Variants in AMPH observed in about 807,000 individuals in gnomAD.
AMPH encodes amphiphysin (Stiff-Mann syndrome with breast cancer 128kD autoantigen).
A neutral mutation model predicts 99.1 loss-of-function variants in AMPH; 49 were observed. The observed-to-expected ratio is 0.49, with a 90% confidence interval of 0.39 to 0.63. The LOEUF is 0.63. Among genes scored for constraint, AMPH ranks in the 20% least tolerant of loss-of-function variants. AMPH has a pLI of 0.00. For synonymous variants in AMPH, 314 were observed against 317.3 expected (o/e 0.99, Z 0.11); for missense variants, 759 against 863.4 (o/e 0.88, Z 1.52).
intron 11 of AMPH, among the ~76,000 whole-genome samples, chr7:38,458,129 T>TC (rs1422010338): frequency 3.1e-4 from 47 of 152,142 alleles, no homozygotes; most frequent in Non-Finnish European, 8.8e-5. Context: ...ATGTTCACTA[T>TC]CTGGGTGATG....
chr7:38,608,964 C>T (rs912103681), intron 1 of AMPH, among the ~76,000 whole-genome samples: 1 of 152,144 alleles, frequency 6.6e-6, no homozygotes, highest in Admixed American at 6.5e-5. Context: ...ACGTGCTTTA[C>T]GTAGTCAATG....
At chr7:38,535,108 G>A in intron 1 of AMPH, 97 bp from the exon 2 acceptor site, 1 of 1,023,678 alleles carries the variant, frequency 9.8e-7, no homozygotes, top group Admixed American at 2.0e-5. Context: ...GTTTTGCTCT[G>A]AGGAGTAGAG....
At position 38,406,725 on chromosome 7, in the gene AMPH, C is replaced by CTCT. The variant is rs1293617761; in HGVS notation, c.1398+11099_1398+11100insAGA. 1.7e-3 allele frequency among the ~76,000 whole-genome samples: 102 copies of CTCT among 58,880 alleles called. 1 individual carries two copies. Among genetic ancestry groups the CTCT allele is most frequent in the East Asian group, 0.013 (28 of 2,152 alleles). 38.6% of individuals were successfully genotyped at this position (58,880 alleles called of 152,430 possible). ...TTCTCTCTCCTCTCCTCTCTCTCTCCCTTTCCCTCTCTCTCTCTCTCTCTC... is the reference window on the plus strand; with the variant it reads ...TTCTCTCTCCTCTCCTCTCTCTCTCCTCTCTTTCCCTCTCTCTCTCTCTCTCTC... On this transcript the variant is annotated intron_variant, in intron 17 of 20. Coordinates refer to ENST00000356264, the MANE Select transcript of AMPH (RefSeq NM_001635.4).
chr7:38,623,682 TG>T lies in AMPH; in HGVS notation c.69+7600del, dbSNP rs1794145246. The stretch of plus-strand genomic sequence containing the variant: ...AAACTACTCTTCTACAGATGGGCCC[TG>T]GGCCTCACAGTACAAATCTCCTTGA... On this transcript the variant is annotated intron_variant, in intron 1 of 20. Transcript: ENST00000356264. Among the ~76,000 whole-genome samples the T allele has an allele frequency of 2.0e-5, 3 of 152,320 alleles. 1 individual carries two copies. In the Middle Eastern group the frequency reaches 0.01, roughly 518 times the overall value.
intron 1 of AMPH, among the ~76,000 whole-genome samples, chr7:38,581,113 A>G (rs1340279104): frequency 1.3e-5 from 2 of 152,206 alleles, no homozygotes; most frequent in Non-Finnish European, 2.9e-5. Flanking sequence ...AGAACAGACA[A>G]AAGAAATGGC....
chr7:38,477,022 C>T, intron 5 of AMPH, 53 bp from the exon 6 acceptor site: 1 of 1,520,126 alleles, frequency 6.6e-7, no homozygotes, highest in Non-Finnish European at 9.1e-7. Flanking sequence ...TAAGAGTCTC[C>T]CTTTGACAGC....
At chr7:38,591,337 G>C (rs1792849591) in intron 1 of AMPH, among the ~76,000 whole-genome samples, 1 of 146,448 alleles carries the variant, frequency 6.8e-6, no homozygotes, top group Non-Finnish European at 1.5e-5. Flanking sequence ...ACCCAGGCTA[G>C]AGTGCAATGG....
Position 38,463,002 on chromosome 7 carries a change from T to G in AMPH, c.861A>C (p.Ala287=), listed in dbSNP as rs756392084. ...PNHTLAPASP[A]PARPRSPSQT... is the part of the protein sequence containing the mutation. ...GTGAAGGTGACCGAGGCCGTGCTGG[T>G]GCGGGAGACGCAGGTGCTAATGTAT... The change falls in exon 10 of 21, where the codon GCA becomes GCC. Residue 287 remains alanine, a synonymous_variant. Coordinates refer to ENST00000356264, the MANE Select transcript of AMPH (RefSeq NM_001635.4). 6.3e-7 allele frequency: 1 copy of G among 1,596,520 alleles called. No homozygotes were observed. Among genetic ancestry groups the G allele is most frequent in the African/African-American group, 1.3e-5 (1 of 74,614 alleles).
chr7:38,427,588 C>T (rs10266609), intron 14 of AMPH, among the ~76,000 whole-genome samples: 146,396 of 151,702 alleles, frequency 0.97, 70,700 homozygotes, highest in East Asian at 1. Flanking sequence ...ACAATCATTC[C>T]GCTTTGTGTG....
At chr7:38,477,406 T>C (rs2129015039) in intron 5 of AMPH, among the ~76,000 whole-genome samples, 1 of 152,284 alleles carries the variant, frequency 6.6e-6, no homozygotes, top group South Asian at 2.1e-4. Flanking sequence ...TAAAAACAGA[T>C]TTACTTCCCA....
intron 17 of AMPH, among the ~76,000 whole-genome samples, chr7:38,412,111 A>G (rs181894392): frequency 5.3e-4 from 80 of 152,264 alleles, no homozygotes; most frequent in Admixed American, 2.3e-3. Flanking sequence ...CTTAATGGCT[A>G]TGGGGCTGTG....
At chr7:38,625,705 T>A (rs556735634) in intron 1 of AMPH, among the ~76,000 whole-genome samples, 1 of 152,098 alleles carries the variant, frequency 6.6e-6, no homozygotes, top group Non-Finnish European at 1.5e-5. Context: ...AATAAGTACA[T>A]GTAAAGGTGC....
intron 2 of AMPH, among the ~76,000 whole-genome samples, chr7:38,523,316 A>T (rs1790045788): frequency 6.6e-6 from 1 of 152,174 alleles, no homozygotes; most frequent in Non-Finnish European, 1.5e-5. Context: ...AGAAACAAAG[A>T]ATATACCTAG....
chr7:38,614,240 A>G (rs10257782), intron 1 of AMPH, among the ~76,000 whole-genome samples: 12,203 of 152,264 alleles, frequency 0.08, 807 homozygotes, highest in African/African-American at 0.17. Flanking sequence ...TACTAAATGA[A>G]AAGGGAGGAA....
chr7:38,445,574 A>T (rs1424527317), intron 11 of AMPH, among the ~76,000 whole-genome samples: 1 of 152,232 alleles, frequency 6.6e-6, no homozygotes, highest in African/African-American at 2.4e-5. Flanking sequence ...GTTAAAAAAT[A>T]AATACACGAG....
chr7:38,512,987 A>G (rs1789596561), intron 2 of AMPH, among the ~76,000 whole-genome samples: 1 of 152,214 alleles, frequency 6.6e-6, no homozygotes, highest in Non-Finnish European at 1.5e-5. Context: ...ATGGAAATGA[A>G]ATAAATAGAA....
intron 1 of AMPH, among the ~76,000 whole-genome samples, chr7:38,563,614 C>T (rs1396494115): frequency 6.6e-6 from 1 of 152,130 alleles, no homozygotes; most frequent in East Asian, 1.9e-4. Context: ...GAAAGATTTA[C>T]ATATGATCCA....
chr7:38,525,258 GTATATATA>G (rs141925117), intron 2 of AMPH, among the ~76,000 whole-genome samples: 11 of 111,214 alleles, frequency 9.9e-5, no homozygotes, highest in Non-Finnish European at 1.4e-4. Context: ...GTGTGTGTGT[GTATATATA>G]TATATATATA....
Position 38,432,010 on chromosome 7 carries a change from A to T in AMPH, c.1158+179T>A, listed in dbSNP as rs1312915779. 2.0e-5 allele frequency: 14 copies of T among 705,316 alleles called. No homozygotes were observed. In the East Asian group the frequency reaches 3.8e-4, roughly 19 times the overall value. 43.7% of individuals were successfully genotyped at this position (705,316 alleles called of 1,614,324 possible). ...TGGTCCACTGTACTCTTCCTTCACCATCATCTTCCGGTTCTGATAATGCTC... is the reference window on the plus strand; with the variant it reads ...TGGTCCACTGTACTCTTCCTTCACCTTCATCTTCCGGTTCTGATAATGCTC... On this transcript the variant is annotated intron_variant, in intron 13 of 20. Coordinates refer to ENST00000356264, the MANE Select transcript of AMPH (RefSeq NM_001635.4).
Sources: gnomAD v4.1 joint callset for allele counts (sites outside exome capture counted in the v4.1 genomes callset) on GRCh38, gnomAD v4.1.1 for gene constraint, MANE v1.5 for transcripts, NCBI Gene and HGNC (gene_info 2026-07-23, HGNC 2026-07-21) for gene names.